The following NDEL1 variants were observed in gnomAD, a reference collection of about 807,000 sequenced individuals.
NDEL1 encodes the protein nudE neurodevelopment protein 1 like 1, also known as nuclear distribution protein nudE-like 1.
In NDEL1, 9 loss-of-function variants were observed where a neutral mutation model predicts 45.7. That is an observed-to-expected ratio of 0.20 (90% CI 0.12 to 0.34). The LOEUF is 0.34. Among genes scored for constraint, NDEL1 ranks in the 10% least tolerant of loss-of-function variants. The probability of loss-of-function intolerance (pLI) is 1.00; values close to 1 mark genes in which losing one functional copy is unlikely to be tolerated. For missense variants in NDEL1, 306 were observed against 406.2 expected (o/e 0.75, Z 2.12); for synonymous variants, 133 against 158.6 (o/e 0.84, Z 1.21).
Position 8,415,569 on chromosome 17 carries a change from G to A in NDEL1, c.-13+2300G>A, listed in dbSNP as rs758912661. Among the ~76,000 whole-genome samples the A allele has an allele frequency of 2.3e-4, 35 of 151,798 alleles. 1 individual carries two copies. Among genetic ancestry groups the A allele is most frequent in the Non-Finnish European group, 1.5e-4 (10 of 67,980 alleles). ...TCTTAGCTCAGCCTCCTGAGTAGCTGGGACTACAGGCACGTGCTGCCATAC... is the reference window on the plus strand; with the variant it reads ...TCTTAGCTCAGCCTCCTGAGTAGCTAGGACTACAGGCACGTGCTGCCATAC... On this transcript the variant is annotated intron_variant, in intron 1 of 4. Coordinates refer to the NDEL1 transcript ENST00000582812.
At chr17:8,421,295 G>A (rs1908699301) in intron 1 of NDEL1, among the ~76,000 whole-genome samples, 1 of 152,182 alleles carries the variant, frequency 6.6e-6, no homozygotes, top group African/African-American at 2.4e-5. Flanking sequence ...CTAATCCCCA[G>A]AACCTGTATG....
intron 2 of NDEL1, 166 bp downstream of exon 2, chr17:8,444,523 G>T: frequency 1.8e-6 from 1 of 565,702 alleles, no homozygotes. Flanking sequence ...TTTAAATAGT[G>T]TAAACATGCC....
chr17:8,416,091 G>T (rs540798208), intron 1 of NDEL1, among the ~76,000 whole-genome samples: 1 of 152,030 alleles, frequency 6.6e-6, no homozygotes, highest in African/African-American at 2.4e-5. Flanking sequence ...CATTAAGTAC[G>T]TTCACATTGT....
At chr17:8,472,844 C>T (rs1211831410), downstream of NDEL1, among the ~76,000 whole-genome samples, 4 of 152,202 alleles carry the variant, frequency 2.6e-5, no homozygotes, top group African/African-American at 9.6e-5. Flanking sequence ...GACCCAGGCT[C>T]AACGAAAGAG....
Position 8,467,811 on chromosome 17 carries a change from G to GT in NDEL1, c.*789dup, listed in dbSNP as rs1197279235. ...GTTTTTGTTTTCTCTTCCAAGGGCC[G>GT]TCCCGTTGTGTTAGGAAGGGTGAGT... is the stretch of plus-strand genomic sequence containing the variant. On this transcript the variant is annotated 3_prime_UTR_variant, in exon 9 of 9. Transcript: ENST00000334527. The surrounding 1 kb of genome is among the most constrained non-coding windows in gnomAD (Gnocchi z 6.3). 2 of 152,700 alleles carry GT rather than the reference G, an allele frequency of 1.3e-5. No individual in the cohort carries two copies. Among genetic ancestry groups the GT allele is most frequent in the Non-Finnish European group, 2.9e-5 (2 of 68,066 alleles). The allele number at this position is 152,700 out of a possible 1,614,324, so 9.5% of individuals were successfully genotyped here.
At chr17:8,444,206 T>C in intron 1 of NDEL1, 54 bp from the exon 2 acceptor site, 1 of 1,130,388 alleles carries the variant, frequency 8.8e-7, no homozygotes, top group Non-Finnish European at 1.3e-6. Context: ...TTTATGCTTG[T>C]GCTTAGATTT....
At chr17:8,418,380 G>A (rs1036955481) in intron 1 of NDEL1, among the ~76,000 whole-genome samples, 7 of 152,056 alleles carry the variant, frequency 4.6e-5, no homozygotes, top group African/African-American at 1.7e-4. Context: ...ACTAACATTG[G>A]GTATTACCAT....
At position 8,465,804 on chromosome 17, in the gene NDEL1, G is replaced by C. The variant is rs1242852741; in HGVS notation, c.945-1126G>C. The stretch of plus-strand genomic sequence containing the variant: ...AGTGGGACAAATTTTCCTAGGAAGC[G>C]TTTCAAGGTGGAAAGGCTGAAGTGG... On this transcript the variant is annotated intron_variant, in intron 8 of 8. Coordinates refer to ENST00000334527, the MANE Select transcript of NDEL1 (RefSeq NM_030808.5). The surrounding 1 kb of genome is among the most constrained non-coding windows in gnomAD (Gnocchi z 4.9). 6.6e-6 allele frequency: 1 copy of C among 152,348 alleles called. No homozygotes were observed. The highest frequency in any genetic ancestry group is 1.5e-5 in the Non-Finnish European group (1 of 68,192). 9.4% of individuals were successfully genotyped at this position (152,348 alleles called of 1,614,324 possible). A position where few individuals can be genotyped will look rare whatever the true frequency, so the allele number is the denominator to read the frequency against.
At chr17:8,439,800 G>T (rs1909614643) in intron 1 of NDEL1, among the ~76,000 whole-genome samples, 1 of 152,140 alleles carries the variant, frequency 6.6e-6, no homozygotes, top group South Asian at 2.1e-4. Context: ...TTTTTACTAT[G>T]TGCCAGGTTC....
chr17:8,438,412 A>G (rs1171088527), intron 1 of NDEL1, among the ~76,000 whole-genome samples: 1 of 152,242 alleles, frequency 6.6e-6, no homozygotes, highest in Non-Finnish European at 1.5e-5. Context: ...ACATCCTCCC[A>G]GTGTAACTTG....
At chr17:8,464,425 T>C (rs1295278435) in intron 8 of NDEL1, 1 of 152,152 alleles carries the variant, frequency 6.6e-6, no homozygotes, top group Non-Finnish European at 1.5e-5. Flanking sequence ...ATGCACAGCT[T>C]TGCAGGCCTC....
At chr17:8,453,999 A>G (rs1317300183) in intron 6 of NDEL1, among the ~76,000 whole-genome samples, 1 of 152,196 alleles carries the variant, frequency 6.6e-6, no homozygotes, top group Non-Finnish European at 1.5e-5. Context: ...TACTAGGACA[A>G]TTGGCTCTCC....
chr17:8,425,291 A>G (rs533808065), intron 1 of NDEL1, among the ~76,000 whole-genome samples: 5 of 152,350 alleles, frequency 3.3e-5, no homozygotes, highest in African/African-American at 1.2e-4. Context: ...AAACTAAAAA[A>G]GTGCTTTGAG....
At position 8,460,000 on chromosome 17, in the gene NDEL1, T is replaced by G; in HGVS notation, c.793-9T>G. 6.2e-7 allele frequency: 1 copy of G among 1,605,822 alleles called. No individual in the cohort carries two copies. On this transcript the variant is annotated splice_polypyrimidine_tract_variant and intron_variant, in intron 7 of 8. Transcript: ENST00000334527. Reference sequence around the variant, plus strand: ...TGACAACCATATCATTCCTCCTTCTTTTTTGTAGGCTTTAGAATCCAAATT... The same window carrying G: ...TGACAACCATATCATTCCTCCTTCTGTTTTGTAGGCTTTAGAATCCAAATT...
intron 1 of NDEL1, among the ~76,000 whole-genome samples, chr17:8,415,500 T>G (rs1317907128): frequency 1.3e-5 from 2 of 151,768 alleles, no homozygotes; most frequent in African/African-American, 4.9e-5. Flanking sequence ...AGTGGCGCAA[T>G]CACAGCTCAC....
chr17:8,469,792 C>T (rs1026136136), downstream of NDEL1, among the ~76,000 whole-genome samples: 3 of 151,248 alleles, frequency 2.0e-5, no homozygotes, highest in Non-Finnish European at 2.9e-5. Context: ...TAACCTCCAC[C>T]TCCCGGGTTC....
At position 8,459,998 on chromosome 17, in the gene NDEL1, C is replaced by CT; in HGVS notation, c.793-5dup. On this transcript the variant is annotated splice_polypyrimidine_tract_variant and intron_variant, in intron 7 of 8. Transcript: ENST00000334527. ...TTTGACAACCATATCATTCCTCCTTCTTTTTTGTAGGCTTTAGAATCCAAA... is the reference window on the plus strand; with the variant it reads ...TTTGACAACCATATCATTCCTCCTTCTTTTTTTGTAGGCTTTAGAATCCAAA... 6.2e-7 allele frequency: 1 copy of CT among 1,604,452 alleles called. No individual in the cohort carries two copies. The highest frequency in any genetic ancestry group is 8.5e-7 in the Non-Finnish European group (1 of 1,176,240).
At position 8,457,998 on chromosome 17, in the gene NDEL1, C is replaced by T. The variant is rs1476542320; in HGVS notation, c.793-2011C>T. 5.9e-5 allele frequency among the ~76,000 whole-genome samples: 9 copies of T among 152,076 alleles called. No individual in the cohort carries two copies. In the South Asian group the frequency reaches 6.2e-4, roughly 11 times the overall value. ...TACATACTTTAAAGCTTCTTGAAAG[C>T]GTGTCCCCATTTATTGTTAGCATTT... is the stretch of plus-strand genomic sequence containing the variant. On this transcript the variant is annotated intron_variant, in intron 7 of 8. Coordinates refer to ENST00000334527, the MANE Select transcript of NDEL1 (RefSeq NM_030808.5).
intron 7 of NDEL1, among the ~76,000 whole-genome samples, chr17:8,457,616 TCA>T (rs1403937951): frequency 1.3e-5 from 2 of 152,232 alleles, no homozygotes; most frequent in African/African-American, 4.8e-5. Context: ...TTGCATGCCT[TCA>T]CAGAGAAAAT....
Sources: gnomAD v4.1 joint callset for allele counts (sites outside exome capture counted in the v4.1 genomes callset) on GRCh38, gnomAD v4.1.1 for gene constraint, Gnocchi (gnomAD v3.1) non-coding constraint, MANE v1.5 for transcripts, NCBI Gene and HGNC (gene_info 2026-07-23, HGNC 2026-07-21) for gene names.